Variants in PCDHGA2 observed in about 807,000 individuals in gnomAD.
PCDHGA2 encodes protocadherin gamma subfamily A, 2, also known as protocadherin gamma-A2.
In PCDHGA2, 40 loss-of-function variants were observed where a neutral mutation model predicts 59.2. That is an observed-to-expected ratio of 0.68 (90% CI 0.52 to 0.88). The LOEUF is 0.88. Among genes scored for constraint, PCDHGA2 ranks in the 40% least tolerant of loss-of-function variants. The probability of loss-of-function intolerance (pLI) is 0.00; values close to 1 mark genes in which losing one functional copy is unlikely to be tolerated. For missense variants in PCDHGA2, 1,226 were observed against 1,204.0 expected (o/e 1.02, Z -0.27); for synonymous variants, 560 against 526.0 (o/e 1.06, Z -0.89).
At chr5:141,463,610 G>A (rs189991450) in intron 1 of PCDHGA2, among the ~76,000 whole-genome samples, 2 of 151,672 alleles carry the variant, frequency 1.3e-5, no homozygotes, top group Admixed American at 6.6e-5. Flanking sequence ...CACCATGCCC[G>A]GCTAATTTTT....
chr5:141,495,921 T>C (rs959070876), intron 2 of PCDHGA2, among the ~76,000 whole-genome samples: 1 of 152,196 alleles, frequency 6.6e-6, no homozygotes, highest in Non-Finnish European at 1.5e-5. Context: ...TCTTTCTTTG[T>C]CTCTGTCTCT....
chr5:141,344,374 T>A, intron 1 of PCDHGA2: 1 of 1,613,186 alleles, frequency 6.2e-7, no homozygotes, highest in Non-Finnish European at 8.5e-7. Context: ...GAGGATAAAT[T>A]GAAAATTTTT....
chr5:141,375,000 A>G (rs1771022536), intron 1 of PCDHGA2: 3 of 1,614,046 alleles, frequency 1.9e-6, no homozygotes, highest in Non-Finnish European at 8.5e-7. Context: ...ACTTCTGCAA[A>G]TCTAGACTAT....
intron 1 of PCDHGA2, chr5:141,345,220 AATCAATAG>A: frequency 6.2e-7 from 1 of 1,613,928 alleles, no homozygotes; most frequent in African/African-American, 1.3e-5. Flanking sequence ...AAGTTAGAAA[AATCAATAG>A]ATCAATATTA....
chr5:141,384,897 C>A, intron 1 of PCDHGA2: 1 of 1,613,922 alleles, frequency 6.2e-7, no homozygotes, highest in Non-Finnish European at 8.5e-7. Flanking sequence ...CTGTGGCTGA[C>A]AGCATCCCCG....
chr5:141,344,958 T>C, intron 1 of PCDHGA2: 1 of 1,613,788 alleles, frequency 6.2e-7, no homozygotes, highest in Non-Finnish European at 8.5e-7. Flanking sequence ...AAGTCTAGAT[T>C]ATGAGGATGC....
At chr5:141,421,783 A>G in intron 1 of PCDHGA2, 1 of 1,613,882 alleles carries the variant, frequency 6.2e-7, no homozygotes, top group East Asian at 2.2e-5. Flanking sequence ...ACTGCGGGGC[A>G]GAACGGATGG....
chr5:141,479,752 T>C (rs770200359), intron 1 of PCDHGA2: 4 of 152,236 alleles, frequency 2.6e-5, no homozygotes, highest in Non-Finnish European at 4.4e-5. Context: ...ATGTGAAAGG[T>C]AGATAAATTC....
In PCDHGA2 at chr5:141,490,000, A is replaced by G. The variant is rs762999106; in HGVS notation, c.2425-4807A>G. The G allele has an allele frequency of 6.2e-7, 1 of 1,614,198 alleles. No individual in the cohort carries two copies. Among genetic ancestry groups the G allele is most frequent in the Admixed American group, 1.7e-5 (1 of 60,032 alleles). ...AGTTCTACGTGTGGGAATCCCAGAG[A>G]ATGCACCCATTGGTACTCTGCTGCT... On this transcript the variant is annotated intron_variant, in intron 1 of 3. Coordinates refer to ENST00000394576, the MANE Select transcript of PCDHGA2 (RefSeq NM_018915.4). The surrounding 1 kb of genome is among the most constrained non-coding windows in gnomAD (Gnocchi z 4.5).
At chr5:141,363,977 G>A (rs1763129841) in intron 1 of PCDHGA2, among the ~76,000 whole-genome samples, 1 of 152,178 alleles carries the variant, frequency 6.6e-6, no homozygotes, top group African/African-American at 2.4e-5. Flanking sequence ...TTGCTATTCA[G>A]AATTAAAGCT....
At chr5:141,422,217 C>T (rs1207888890) in intron 1 of PCDHGA2, 2 of 1,563,582 alleles carry the variant, frequency 1.3e-6, no homozygotes, top group Admixed American at 2.0e-5. Context: ...GTCTCTTTAC[C>T]ACCACGACGA....
chr5:141,418,006 C>T, intron 1 of PCDHGA2: 7 of 1,613,896 alleles, frequency 4.3e-6, no homozygotes, highest in Non-Finnish European at 5.9e-6. Flanking sequence ...TGGTGGGGAA[C>T]CTCGCTAAGG....
Position 141,490,330 on chromosome 5 carries a change from C to G in PCDHGA2, c.2425-4477C>G. 4 of 1,614,198 alleles carry G rather than the reference C, an allele frequency of 2.5e-6. No homozygotes were observed. Among genetic ancestry groups the G allele is most frequent in the South Asian group, 1.1e-5 (1 of 91,082 alleles). On this transcript the variant is annotated intron_variant, in intron 1 of 3. Coordinates refer to ENST00000394576, the MANE Select transcript of PCDHGA2 (RefSeq NM_018915.4). This position sits in a 1 kb window ranked among gnomAD's most constrained non-coding sequence, Gnocchi z 5.4. ...GGCCAACCCTGTCCTAGAGAGCACACCAGTGGGCACAGTAGTGGGGTTGTT... is the reference window on the plus strand; with the variant it reads ...GGCCAACCCTGTCCTAGAGAGCACAGCAGTGGGCACAGTAGTGGGGTTGTT...
At chr5:141,427,879 C>T in intron 1 of PCDHGA2, 1 of 1,562,380 alleles carries the variant, frequency 6.4e-7, no homozygotes. Context: ...ACGATGCAGG[C>T]CCACGACCAG....
intron 1 of PCDHGA2, among the ~76,000 whole-genome samples, chr5:141,481,063 C>T (rs2154578481): frequency 6.6e-6 from 1 of 151,952 alleles, no homozygotes; most frequent in Middle Eastern, 3.4e-3. Context: ...ACCTCAAAAA[C>T]AAAAAGAAAG....
chr5:141,415,105 C>T (rs1472993181), intron 1 of PCDHGA2: 1 of 1,613,652 alleles, frequency 6.2e-7, no homozygotes, highest in African/African-American at 1.3e-5. Flanking sequence ...CGCGCTCAAG[C>T]AAAGCCTCGT....
Position 141,339,804 on chromosome 5 carries a change from T to C in PCDHGA2, c.833T>C (p.Val278Ala), listed in dbSNP as rs1437819461. The change falls in exon 1 of 4, where the codon GTA (valine) becomes GCA (alanine). Residue 278 changes from valine (V) to alanine (A), a missense_variant. Coordinates refer to ENST00000394576, the MANE Select transcript of PCDHGA2 (RefSeq NM_018915.4). ...DADEGYYAQV[V>A]YFLEKSPGET... ...GATGAGGGCTACTACGCTCAAGTGG[T>C]ATATTTTCTAGAGAAAAGCCCTGGA... 2 of 1,614,068 alleles carry C rather than the reference T, an allele frequency of 1.2e-6. No individual in the cohort carries two copies. Among genetic ancestry groups the C allele is most frequent in the African/African-American group, 2.7e-5 (2 of 74,930 alleles).
At chr5:141,398,425 C>G (rs2093656331) in intron 1 of PCDHGA2, 2 of 1,519,432 alleles carry the variant, frequency 1.3e-6, no homozygotes, top group East Asian at 2.3e-5. Flanking sequence ...CGGGAAGAAG[C>G]CAGCTTGTGC....
intron 2 of PCDHGA2, 50 bp from the exon 3 acceptor site, chr5:141,505,343 G>A: frequency 1.9e-6 from 3 of 1,612,934 alleles, no homozygotes; most frequent in Non-Finnish European, 2.5e-6. Flanking sequence ...GGAGGGGCAT[G>A]AGCTGTGCCG....
Sources: gnomAD v4.1 joint callset for allele counts (sites outside exome capture counted in the v4.1 genomes callset) on GRCh38, gnomAD v4.1.1 for gene constraint, Gnocchi (gnomAD v3.1) non-coding constraint, MANE v1.5 for transcripts, NCBI Gene and HGNC (gene_info 2026-07-23, HGNC 2026-07-21) for gene names.